Variants in CCDC167 observed in about 807,000 individuals in gnomAD.
CCDC167 encodes the protein coiled-coil domain containing 167, also known as coiled-coil domain-containing protein 167.
A neutral mutation model predicts 12.7 loss-of-function variants in CCDC167; 15 were observed. The observed-to-expected ratio is 1.18, with a 90% CI of 0.79 to 1.81. The LOEUF (loss-of-function observed/expected upper bound fraction) is 1.81. Among genes scored for constraint, CCDC167 ranks in the 40% most tolerant of loss-of-function variants. The pLI is 0.00. For missense variants in CCDC167, 121 were observed against 120.1 expected (o/e 1.01, Z -0.03); for synonymous variants, 52 against 49.0 (o/e 1.06, Z -0.26).
intron 1 of CCDC167, among the ~76,000 whole-genome samples, chr6:37,487,081 A>T (rs1157205812): frequency 2.0e-5 from 3 of 152,118 alleles, no homozygotes; most frequent in Non-Finnish European, 4.4e-5. Context: ...TCCTTCCTTC[A>T]TGAGGCTGAG....
intron 1 of CCDC167, among the ~76,000 whole-genome samples, chr6:37,491,716 A>C (rs1386539995): frequency 6.6e-6 from 1 of 152,244 alleles, no homozygotes; most frequent in Non-Finnish European, 1.5e-5. Context: ...CACAACAGTG[A>C]CAGCAGCAGC....
At chr6:37,488,539 A>G (rs890976221) in intron 1 of CCDC167, among the ~76,000 whole-genome samples, 1 of 152,234 alleles carries the variant, frequency 6.6e-6, no homozygotes, top group African/African-American at 2.4e-5. Flanking sequence ...AAGGAGACAA[A>G]TGTCAAGAAG....
intron 1 of CCDC167, 24 bp from the exon 2 acceptor site, chr6:37,485,218 T>G (rs1581762643): frequency 1.3e-6 from 2 of 1,585,940 alleles, no homozygotes; most frequent in Admixed American, 1.7e-5. Flanking sequence ...CACAGAGAGG[T>G]GGGCTGCCGA....
intron 3 of CCDC167, among the ~76,000 whole-genome samples, chr6:37,484,311 CCGCCCTCTGG>C (rs904266718): frequency 1.1e-4 from 16 of 152,234 alleles, no homozygotes; most frequent in African/African-American, 3.9e-4. Flanking sequence ...AGCCTGCCAG[CCGCCCTCTGG>C]CGCCCCGCCG....
chr6:37,483,170 T>TG lies in CCDC167; in HGVS notation c.*15dup. 2 of 1,595,648 alleles carry TG rather than the reference T, an allele frequency of 1.3e-6. No individual in the cohort carries two copies. Among genetic ancestry groups the TG allele is most frequent in the Non-Finnish European group, 1.7e-6 (2 of 1,163,242 alleles). On this transcript the variant is annotated 3_prime_UTR_variant, in exon 4 of 4. Coordinates refer to ENST00000373408, the MANE Select transcript of CCDC167 (RefSeq NM_138493.3). ...GCCAAGTGGAAGCCTGTGCTGGTTG[T>TG]GGGGAAGTGCCAGGCTCACATGGTC...
chr6:37,494,120 C>T (rs974639340), intron 1 of CCDC167, among the ~76,000 whole-genome samples: 5 of 136,722 alleles, frequency 3.7e-5, no homozygotes, highest in African/African-American at 1.1e-4. Flanking sequence ...GGCTAGAGTG[C>T]GATGGCACCA....
intron 1 of CCDC167, among the ~76,000 whole-genome samples, chr6:37,495,606 G>A (rs1332852508): frequency 6.6e-6 from 1 of 152,148 alleles, no homozygotes; most frequent in African/African-American, 2.4e-5. Context: ...TGGATAAAAA[G>A]ACCTCAAAAG....
In CCDC167 at chr6:37,487,183, C is replaced by T. The variant is rs1484831841; in HGVS notation, c.43-1989G>A. Among the ~76,000 whole-genome samples, 6 of 152,206 alleles carry T rather than the reference C, an allele frequency of 3.9e-5. No individual in the cohort carries two copies. The East Asian group carries it at 1.2e-3, about 29-fold the overall frequency. ...TGGTGCCAACTGGCAGCCCGTAGGT[C>T]AGGTCTAGCCCACAGATTGGCCCAT... is the stretch of plus-strand genomic sequence containing the variant. On this transcript the variant is annotated intron_variant, in intron 1 of 3. Transcript: ENST00000373408.
rs577494643 is a variant in CCDC167, at chr6:37,491,031, C to T, written c.43-5837G>A. 1.1e-4 allele frequency among the ~76,000 whole-genome samples: 17 copies of T among 152,280 alleles called. 1 individual carries two copies. The South Asian group carries it at 2.9e-3, about 26-fold the overall frequency. On this transcript the variant is annotated intron_variant, in intron 1 of 3. Coordinates refer to ENST00000373408, the MANE Select transcript of CCDC167 (RefSeq NM_138493.3). ...CTGTGTTAAGAGAAACTGTAAAATT[C>T]GTGTGAAATCCCCGCGAGGCATCTT...
intron 1 of CCDC167, among the ~76,000 whole-genome samples, chr6:37,498,247 C>T (rs1311082016): frequency 6.6e-6 from 1 of 152,132 alleles, no homozygotes; most frequent in Non-Finnish European, 1.5e-5. Context: ...CAGACATCTC[C>T]TGCCCCTTGC....
At position 37,485,202 on chromosome 6, in the gene CCDC167, A is replaced by T. The variant is rs1402202175; in HGVS notation, c.43-8T>A. The T allele has an allele frequency of 1.9e-6, 3 of 1,609,800 alleles. No homozygotes were observed. Among genetic ancestry groups the T allele is most frequent in the Non-Finnish European group, 2.5e-6 (3 of 1,177,454 alleles). On this transcript the variant is annotated splice_region_variant and splice_polypyrimidine_tract_variant and intron_variant, in intron 1 of 3. Transcript: ENST00000373408. ...CTCCTCTAGCCCATCGATCTGAAAC[A>T]AAGGCCACAGAGAGGTGGGCTGCCG...
At chr6:37,484,910 C>G (rs1281137744) in intron 2 of CCDC167, 48 bp from the exon 3 acceptor site, 2 of 1,611,240 alleles carry the variant, frequency 1.2e-6, no homozygotes, top group African/African-American at 2.7e-5. Flanking sequence ...TCCTTTTCCC[C>G]ACCCGAGGGG....
chr6:37,487,286 A>G (rs1761955648), intron 1 of CCDC167, among the ~76,000 whole-genome samples: 1 of 152,280 alleles, frequency 6.6e-6, no homozygotes, highest in East Asian at 1.9e-4. Context: ...AACAGTGACC[A>G]TCTGTCTCCT....
intron 1 of CCDC167, among the ~76,000 whole-genome samples, chr6:37,491,969 C>T (rs918655603): frequency 3.3e-5 from 5 of 152,190 alleles, no homozygotes; most frequent in African/African-American, 7.2e-5. Context: ...CGCTCATCAG[C>T]TCTGAGGGAC....
chr6:37,494,683 A>T (rs1762074233), intron 1 of CCDC167, among the ~76,000 whole-genome samples: 1 of 152,178 alleles, frequency 6.6e-6, no homozygotes, highest in Non-Finnish European at 1.5e-5. Flanking sequence ...TTAAAGTTGA[A>T]TATTAGACTG....
chr6:37,487,301 G>A (rs939288414), intron 1 of CCDC167, among the ~76,000 whole-genome samples: 10 of 152,164 alleles, frequency 6.6e-5, no homozygotes, highest in African/African-American at 2.4e-4. Context: ...TCTCCTCTTT[G>A]TGCCCACCAA....
intron 1 of CCDC167, among the ~76,000 whole-genome samples, chr6:37,487,535 T>A (rs1421871127): frequency 6.6e-6 from 1 of 152,222 alleles, no homozygotes; most frequent in East Asian, 1.9e-4. Context: ...CAAGTCTTAG[T>A]CCTAGGTGAG....
chr6:37,488,808 G>T (rs1454325716), intron 1 of CCDC167, among the ~76,000 whole-genome samples: 1 of 152,216 alleles, frequency 6.6e-6, no homozygotes, highest in African/African-American at 2.4e-5. Context: ...CAGGTAAGAT[G>T]CCCAGAACAT....
intron 1 of CCDC167, among the ~76,000 whole-genome samples, chr6:37,485,464 A>G (rs974394422): frequency 2.6e-5 from 4 of 152,262 alleles, no homozygotes; most frequent in African/African-American, 9.6e-5. Flanking sequence ...CAGCTGTCCC[A>G]GCCCTCTGGG....
Sources: gnomAD v4.1 joint callset for allele counts (sites outside exome capture counted in the v4.1 genomes callset) on GRCh38, gnomAD v4.1.1 for gene constraint, MANE v1.5 for transcripts, NCBI Gene and HGNC (gene_info 2026-07-23, HGNC 2026-07-21) for gene names.